The following EIF5 variants were observed in gnomAD, a reference collection of about 807,000 sequenced individuals.
EIF5 encodes eukaryotic translation initiation factor 5.
In EIF5, 10 loss-of-function variants were observed where a neutral mutation model predicts 48.3. That is an observed-to-expected ratio of 0.21 (90% CI 0.13 to 0.35). The LOEUF (loss-of-function observed/expected upper bound fraction) is 0.35, where lower values mean the gene tolerates loss of function less well. EIF5 is among the 10% of genes least tolerant of loss of function. The pLI is 1.00. For synonymous variants in EIF5, 237 were observed against 173.1 expected (o/e 1.37, Z -2.90); for missense variants, 397 against 533.2 (o/e 0.74, Z 2.51).
In EIF5 at chr14:103,343,751, CTCAG is replaced by C. The variant is rs1362959100; in HGVS notation, c.*2706_*2709del. ...GTTTGAACCTTTTGCATTTTGTTAG[CTCAG>C]TCAGTCCTCATCGTGGTCCTGAGGC... On this transcript the variant is annotated 3_prime_UTR_variant, in exon 12 of 12. Coordinates refer to ENST00000216554, the MANE Select transcript of EIF5 (RefSeq NM_001969.5). The C allele has an allele frequency of 5.3e-5, 8 of 152,196 alleles. No homozygotes were observed. The highest frequency in any genetic ancestry group is 1.7e-4 in the African/African-American group (7 of 41,442). 9.4% of individuals were successfully genotyped at this position (152,196 alleles called of 1,614,324 possible). A position where few individuals can be genotyped will look rare whatever the true frequency, so the allele number is the denominator to read the frequency against.
Position 103,341,826 on chromosome 14 carries a change from T to A in EIF5, c.*774T>A, listed in dbSNP as rs2089356262. The A allele has an allele frequency of 6.6e-6, 1 of 152,612 alleles. No individual in the cohort carries two copies. 9.5% of individuals were successfully genotyped at this position (152,612 alleles called of 1,614,324 possible). A position where few individuals can be genotyped will look rare whatever the true frequency, so the allele number is the denominator to read the frequency against. ...AAGCATTTTGTGTGTACGTAGTAGT[T>A]ACTTTGTACTGAGAGAACTTGCTTT... On this transcript the variant is annotated 3_prime_UTR_variant, in exon 12 of 12. Coordinates refer to ENST00000216554, the MANE Select transcript of EIF5 (RefSeq NM_001969.5).
chr14:103,342,599 A>G lies in EIF5; in HGVS notation c.*1547A>G, dbSNP rs2089366539. The stretch of plus-strand genomic sequence containing the variant: ...AGGCGTAAAAAAATTTTCACATTGA[A>G]ATGATAGAAACATTTGATGTAATAA... On this transcript the variant is annotated 3_prime_UTR_variant, in exon 12 of 12. Coordinates refer to ENST00000216554, the MANE Select transcript of EIF5 (RefSeq NM_001969.5). The G allele has an allele frequency of 6.6e-6, 1 of 152,538 alleles. No individual in the cohort carries two copies. The highest frequency in any genetic ancestry group is 2.1e-4 in the South Asian group (1 of 4,838). The allele number at this position is 152,538 out of a possible 1,614,324, so 9.4% of individuals were successfully genotyped here. A position where few individuals can be genotyped will look rare whatever the true frequency, so the allele number is the denominator to read the frequency against.
Position 103,338,381 on chromosome 14 carries a change from G to A in EIF5, c.494G>A (p.Gly165Asp). 1 of 1,613,660 alleles carries A rather than the reference G, an allele frequency of 6.2e-7. No individual in the cohort carries two copies. Among genetic ancestry groups the A allele is most frequent in the Non-Finnish European group, 8.5e-7 (1 of 1,179,718 alleles). Residue 165 changes from glycine (G) to aspartate (D), a missense_variant, in exon 7 of 12, where the codon GGC (glycine) becomes GAC (aspartate). By Grantham distance (94) the Gly-to-Asp change is moderately conservative. This residue lies in a region of EIF5 where 126 missense variants were observed against 141.9 expected (regional missense o/e 0.89). Transcript: ENST00000216554. ...KKEKEKKNRKGKDKENGSVSS... is the reference protein window; with the variant it reads ...KKEKEKKNRKDKDKENGSVSS... ...GAAAAAGAAAAGAAAAACAGAAAGGGCAAAGACAAGGAAAATGGCTCCGTA... is the reference window on the plus strand; with the variant it reads ...GAAAAAGAAAAGAAAAACAGAAAGGACAAAGACAAGGAAAATGGCTCCGTA...
chr14:103,335,800 T>C lies in EIF5; in HGVS notation c.-61T>C. Reference sequence around the variant, plus strand: ...CATCCCTTCTTCTCCAGACAGAAGATACCAAAAAGTTGCAATCAAAGATCT... The same window carrying C: ...CATCCCTTCTTCTCCAGACAGAAGACACCAAAAAGTTGCAATCAAAGATCT... On this transcript the variant is annotated 5_prime_UTR_variant, in exon 3 of 12. Coordinates refer to ENST00000216554, the MANE Select transcript of EIF5 (RefSeq NM_001969.5). 1.3e-6 allele frequency: 2 copies of C among 1,573,390 alleles called. No homozygotes were observed. Among genetic ancestry groups the C allele is most frequent in the Middle Eastern group, 1.7e-4 (1 of 5,970 alleles).
intron 11 of EIF5, 106 bp from the exon 12 acceptor site, chr14:103,340,857 A>G (rs1210677385): frequency 7.1e-6 from 8 of 1,125,894 alleles, no homozygotes; most frequent in Admixed American, 1.9e-5. Flanking sequence ...TGAAGAAGAA[A>G]TAGCTGCATC....
intron 9 of EIF5, 96 bp from the exon 10 acceptor site, chr14:103,339,543 T>A: frequency 1.9e-6 from 3 of 1,560,656 alleles, no homozygotes; most frequent in Non-Finnish European, 2.6e-6. Context: ...AACTATGGTA[T>A]GGGCCATGCA....
At position 103,344,668 on chromosome 14, in the gene EIF5, A is replaced by G. The variant is rs975695652; in HGVS notation, c.*3616A>G. Reference sequence around the variant, plus strand: ...AGGGGAAATTCCACCCAATTTTGCTATGAGCCTAAAACCTCTTTAAAAACG... The same window carrying G: ...AGGGGAAATTCCACCCAATTTTGCTGTGAGCCTAAAACCTCTTTAAAAACG... On this transcript the variant is annotated 3_prime_UTR_variant, in exon 12 of 12. Transcript: ENST00000216554. 2 of 152,228 alleles carry G rather than the reference A, an allele frequency of 1.3e-5. No individual in the cohort carries two copies. The highest frequency in any genetic ancestry group is 4.8e-5 in the African/African-American group (2 of 41,460). 9.4% of individuals were successfully genotyped at this position (152,228 alleles called of 1,614,324 possible).
Position 103,336,777 on chromosome 14 carries a change from G to A in EIF5, c.255G>A (p.Leu85=). 2 of 1,614,168 alleles carry A rather than the reference G, an allele frequency of 1.2e-6. No individual in the cohort carries two copies. Among genetic ancestry groups the A allele is most frequent in the South Asian group, 1.1e-5 (1 of 91,076 alleles). Residue 85 remains leucine, a synonymous_variant, in exon 5 of 12, where the codon CTG becomes CTA. Transcript: ENST00000216554. Reference sequence around the variant, plus strand: ...ATGGATCTCATGAGGCGAATAAGCTGCAAGACATGTTGGATGGATTCATTA... The same window carrying A: ...ATGGATCTCATGAGGCGAATAAGCTACAAGACATGTTGGATGGATTCATTA... The part of the protein sequence containing the change: ...IVNGSHEANK[L]QDMLDGFIKK...
At chr14:103,337,460 A>T (rs1291130511) in intron 6 of EIF5, 2 of 499,264 alleles carry the variant, frequency 4.0e-6, no homozygotes, top group Non-Finnish European at 7.1e-6. Flanking sequence ...AAACTAGCTT[A>T]GCATGGTGGT....
chr14:103,340,922 A>AT, intron 11 of EIF5, 41 bp from the exon 12 acceptor site: 1 of 1,585,172 alleles, frequency 6.3e-7, no homozygotes, highest in Admixed American at 1.7e-5. Flanking sequence ...TTATAAACAG[A>AT]TTTATCAGCT....
chr14:103,337,260 A>G (rs769463380), intron 6 of EIF5, 33 bp downstream of exon 6: 1 of 1,541,658 alleles, frequency 6.5e-7, no homozygotes. Context: ...CTAAGATCCT[A>G]AGATAAGTTA....
intron 4 of EIF5, 92 bp downstream of exon 4, chr14:103,336,209 C>T (rs994055836): frequency 1.6e-6 from 2 of 1,250,094 alleles, no homozygotes; most frequent in Non-Finnish European, 1.1e-6. Flanking sequence ...TGTATGCTAG[C>T]TAATTACCTT....
At chr14:103,336,260 GTT>G (rs2089284555) in intron 4 of EIF5, 143 bp downstream of exon 4, 2 of 895,088 alleles carry the variant, frequency 2.2e-6, no homozygotes, top group African/African-American at 3.4e-5. Context: ...GTTGCCATGA[GTT>G]TACAAAACTA....
chr14:103,334,722 C>T (rs1182219125), intron 2 of EIF5, 125 bp downstream of exon 2: 1 of 142,194 alleles, frequency 7.0e-6, no homozygotes, highest in Non-Finnish European at 1.6e-5. Flanking sequence ...GCCCGGGCGC[C>T]GGCCGCCCCC....
intron 4 of EIF5, 91 bp from the exon 5 acceptor site, chr14:103,336,581 CAAAAA>C (rs35114533): frequency 2.3e-5 from 26 of 1,152,680 alleles, no homozygotes; most frequent in African/African-American, 6.9e-5. Flanking sequence ...ACTCTTGTCT[CAAAAA>C]AAAAAAAAAA....
rs1215961549 is a variant in EIF5 at position 103,337,139 on chromosome 14, A to G, written c.351A>G (p.Thr117=). 1.2e-6 allele frequency: 2 copies of G among 1,611,832 alleles called. No individual in the cohort carries two copies. Among genetic ancestry groups the G allele is most frequent in the African/African-American group, 2.7e-5 (2 of 74,824 alleles). ...AGCATGTCAATCCAAAGAAGCAAAC[A>G]ATAGGTAATTCTTGTAAAGCCTGTG... ...TDLHVNPKKQ[T]IGNSCKACGY... The change falls in exon 6 of 12, where the codon ACA becomes ACG. Residue 117 remains threonine, a synonymous_variant. Transcript: ENST00000216554.
At chr14:103,336,321 C>A (rs930527382) in intron 4 of EIF5, 2 of 636,810 alleles carry the variant, frequency 3.1e-6, no homozygotes, top group Non-Finnish European at 5.4e-6. Flanking sequence ...TTGGCTCACA[C>A]CTGTAACCCC....
rs201438992 is a variant in EIF5, at chr14:103,339,325, T to C, written c.898T>C (p.Phe300Leu). The C allele has an allele frequency of 1.3e-6, 2 of 1,589,586 alleles. No homozygotes were observed. The highest frequency in any genetic ancestry group is 1.7e-6 in the Non-Finnish European group (2 of 1,173,714). The change falls in exon 9 of 12, where the codon TTC (phenylalanine) becomes CTC (leucine). Residue 300 changes from phenylalanine (F) to leucine (L), a missense_variant. Transcript: ENST00000216554. ...ACAGATTAAGAAATACAGGCGCCAT[T>C]TCCTACGAGTAAGCAAAGTGCTCTG... ...REQIKKYRRH[F>L]LRFCHNNKKA...
Position 103,344,588 on chromosome 14 carries a change from C to G in EIF5, c.*3536C>G, listed in dbSNP as rs2089391312. The G allele has an allele frequency of 6.6e-6, 1 of 152,212 alleles. No homozygotes were observed. 9.4% of individuals were successfully genotyped at this position (152,212 alleles called of 1,614,324 possible). A position where few individuals can be genotyped will look rare whatever the true frequency, so the allele number is the denominator to read the frequency against. Reference sequence around the variant, plus strand: ...GGTGGAGACCCTTATGTGCAGCACTCAATCCCACTGGAAGCCTAATGCTGC... The same window carrying G: ...GGTGGAGACCCTTATGTGCAGCACTGAATCCCACTGGAAGCCTAATGCTGC... On this transcript the variant is annotated 3_prime_UTR_variant, in exon 12 of 12. Coordinates refer to ENST00000216554, the MANE Select transcript of EIF5 (RefSeq NM_001969.5).
Sources: allele counts gnomAD v4.1 joint callset, GRCh38; gene constraint gnomAD v4.1.1; regional missense constraint gnomAD v4.1.1; transcripts MANE v1.5; gene names NCBI Gene and HGNC (gene_info 2026-07-23, HGNC 2026-07-21).